STYXL1: variants seen among roughly 807,000 people sequenced by gnomAD.
STYXL1 encodes the protein serine/threonine/tyrosine-interacting-like protein 1.
Under a neutral mutation model 36.4 loss-of-function variants are expected in STYXL1, and 32 were observed. That is an observed-to-expected ratio of 0.88 (90% CI 0.66 to 1.18). STYXL1 has a LOEUF of 1.18. Among genes scored for constraint, STYXL1 ranks in the 50% most tolerant of loss-of-function variants. The pLI is 0.00. For missense variants in STYXL1, 354 were observed against 394.1 expected, an observed-to-expected ratio of 0.90 and a Z score of 0.86; for synonymous variants, 133 against 144.1, an observed-to-expected ratio of 0.92 and a Z score of 0.55.
At chr7:76,012,781 C>G (rs1792722984) in intron 5 of STYXL1, among the ~76,000 whole-genome samples, 1 of 152,212 alleles carries the variant, frequency 6.6e-6, no homozygotes, top group Non-Finnish European at 1.5e-5. Flanking sequence ...ATCCTCCTGC[C>G]TTGGCCTCCC....
intron 5 of STYXL1, among the ~76,000 whole-genome samples, chr7:76,005,901 AGAGGAG>A (rs1218252484): frequency 0.013 from 496 of 39,478 alleles, 3 homozygotes; most frequent in African/African-American, 0.038. Flanking sequence ...GGAGGAGGAG[AGAGGAG>A]GAGGAGGAGG....
At chr7:76,028,799 G>T (rs891212153) in intron 2 of STYXL1, 96 bp from the exon 3 acceptor site, 1 of 1,089,018 alleles carries the variant, frequency 9.2e-7, no homozygotes, top group Non-Finnish European at 1.4e-6. Flanking sequence ...TATTTGTTTG[G>T]CAGTTAAGGG....
intron 8 of STYXL1, 61 bp downstream of exon 8, chr7:76,000,829 C>A (rs1328586704): frequency 2.0e-6 from 3 of 1,472,284 alleles, no homozygotes; most frequent in East Asian, 2.3e-5. Context: ...TCCCAGGTTG[C>A]GCTCTGACCT....
intron 2 of STYXL1, among the ~76,000 whole-genome samples, chr7:76,029,925 C>T (rs533525173): frequency 6.6e-6 from 1 of 152,290 alleles, no homozygotes; most frequent in South Asian, 2.1e-4. Context: ...TGCTGCTCAC[C>T]TCCTGCTGTG....
chr7:76,004,863 T>C (rs1192025057), intron 6 of STYXL1, among the ~76,000 whole-genome samples: 1 of 151,166 alleles, frequency 6.6e-6, no homozygotes, highest in Non-Finnish European at 1.5e-5. Flanking sequence ...TAGCTGGGCG[T>C]GGTGGCGGGC....
chr7:76,003,938 G>A, intron 6 of STYXL1, 83 bp from the exon 7 acceptor site: 2 of 1,272,764 alleles, frequency 1.6e-6, no homozygotes, highest in South Asian at 1.2e-5. Context: ...ACAGCAGAAG[G>A]GCCACAGGGA....
intron 4 of STYXL1, among the ~76,000 whole-genome samples, chr7:76,015,676 A>G (rs1332119106): frequency 6.6e-6 from 1 of 152,212 alleles, no homozygotes; most frequent in Non-Finnish European, 1.5e-5. Context: ...AGCAAAAACC[A>G]AACAACCTCT....
At chr7:76,043,331 G>T (rs1796654297) in intron 1 of STYXL1, among the ~76,000 whole-genome samples, 1 of 151,830 alleles carries the variant, frequency 6.6e-6, no homozygotes, top group African/African-American at 2.4e-5. Context: ...GTAGAGATGG[G>T]GTTTCACCAT....
At chr7:76,003,936 A>G (rs887602295) in intron 6 of STYXL1, 81 bp from the exon 7 acceptor site, 24 of 1,270,850 alleles carry the variant, frequency 1.9e-5, no homozygotes, top group Middle Eastern at 3.8e-4. Context: ...TCACAGCAGA[A>G]GGGCCACAGG....
At chr7:76,018,305 G>C (rs908670032) in intron 4 of STYXL1, among the ~76,000 whole-genome samples, 2 of 152,078 alleles carry the variant, frequency 1.3e-5, no homozygotes, top group Non-Finnish European at 2.9e-5. Flanking sequence ...CATATAAATG[G>C]AATAATATGT....
intron 8 of STYXL1, among the ~76,000 whole-genome samples, chr7:75,999,296 C>T (rs939323448): frequency 6.6e-6 from 1 of 152,032 alleles, no homozygotes; most frequent in Non-Finnish European, 1.5e-5. Context: ...ATATAAGGTA[C>T]CTAGAGTAGT....
intron 8 of STYXL1, among the ~76,000 whole-genome samples, chr7:76,000,193 T>C (rs1790699532): frequency 1.6e-5 from 2 of 122,926 alleles, no homozygotes; most frequent in South Asian, 5.4e-4. Context: ...CACTCCAGCC[T>C]GGGCAACAGA....
At chr7:75,996,835 T>A (rs1554564286) in intron 8 of STYXL1, among the ~76,000 whole-genome samples, 4 of 152,264 alleles carry the variant, frequency 2.6e-5, no homozygotes, top group Non-Finnish European at 2.9e-5. Context: ...AAATAATTCC[T>A]ATTTCAAACA....
intron 5 of STYXL1, among the ~76,000 whole-genome samples, chr7:76,008,908 A>T (rs782311066): frequency 2.0e-4 from 31 of 152,086 alleles, no homozygotes; most frequent in Non-Finnish European, 3.8e-4. Flanking sequence ...AGGCTGAGGC[A>T]GGAGAATCAC....
At chr7:76,031,358 A>T (rs1363318769) in intron 1 of STYXL1, among the ~76,000 whole-genome samples, 1 of 131,592 alleles carries the variant, frequency 7.6e-6, no homozygotes, top group Non-Finnish European at 1.7e-5. Context: ...AAAAAAAAAA[A>T]GTAATATATT....
chr7:76,006,036 C>T (rs1409383911), intron 5 of STYXL1, among the ~76,000 whole-genome samples: 2 of 152,002 alleles, frequency 1.3e-5, no homozygotes, highest in Non-Finnish European at 2.9e-5. Flanking sequence ...GGATTACAGG[C>T]GTGAGCCACT....
intron 5 of STYXL1, among the ~76,000 whole-genome samples, chr7:76,011,617 C>T (rs1178998266): frequency 1.3e-5 from 2 of 152,336 alleles, no homozygotes; most frequent in Non-Finnish European, 2.9e-5. Flanking sequence ...AAGTTAAAAC[C>T]ACTTTCTGTT....
intron 5 of STYXL1, 21 bp from the exon 6 acceptor site, chr7:76,005,425 G>T: frequency 6.3e-7 from 1 of 1,582,232 alleles, no homozygotes; most frequent in Non-Finnish European, 8.6e-7. Context: ...GAGGGAGAAA[G>T]GCAGCTATGA....
At position 76,047,820 on chromosome 7, in the gene STYXL1, A is replaced by G; in HGVS notation, c.-163T>C. ...TCTGCCTGGGGCCCCACCTGGAAAA[A>G]TGGCTCCTCTAAGGCGCTTCCAGCC... On this transcript the variant is annotated 5_prime_UTR_variant, in exon 1 of 9. Coordinates refer to ENST00000359697, the MANE Select transcript of STYXL1 (RefSeq NM_001317785.2). 1.0e-6 allele frequency: 1 copy of G among 967,614 alleles called. No homozygotes were observed. Among genetic ancestry groups the G allele is most frequent in the Non-Finnish European group, 1.3e-6 (1 of 741,968 alleles). 59.9% of individuals were successfully genotyped at this position (967,614 alleles called of 1,614,324 possible).
Sources: allele counts gnomAD v4.1 joint callset (sites outside exome capture counted in the v4.1 genomes callset), GRCh38; gene constraint gnomAD v4.1.1; transcripts MANE v1.5; gene names NCBI Gene and HGNC (gene_info 2026-07-23, HGNC 2026-07-21).